The following CNTNAP2 variants were observed in gnomAD, a reference collection of about 807,000 sequenced individuals.
CNTNAP2 encodes contactin associated protein 2.
In CNTNAP2, 98 loss-of-function variants were observed where a neutral mutation model predicts 155.2. The ratio of observed to expected loss-of-function variants is 0.63; its 90% CI spans 0.54 to 0.75. CNTNAP2 has a LOEUF of 0.75. CNTNAP2 is among the 30% of genes least tolerant of loss of function. The pLI, the probability that CNTNAP2 is intolerant of heterozygous loss-of-function variation, is 0.00. For missense variants in CNTNAP2, 1,727 were observed against 1,688.1 expected, an observed-to-expected ratio of 1.02 and a Z score of -0.40; for synonymous variants, 651 against 631.2, an observed-to-expected ratio of 1.03 and a Z score of -0.47.
At chr7:148,176,744 A>G (rs1794945252) in intron 18 of CNTNAP2, among the ~76,000 whole-genome samples, 1 of 152,260 alleles carries the variant, frequency 6.6e-6, no homozygotes, top group East Asian at 1.9e-4. Context: ...ACGTTCATCA[A>G]TGAGGAGCAG....
intron 1 of CNTNAP2, among the ~76,000 whole-genome samples, chr7:146,553,289 G>A (rs1430134760): frequency 6.6e-6 from 1 of 151,944 alleles, no homozygotes; most frequent in Non-Finnish European, 1.5e-5. Context: ...GAAGTCTATA[G>A]AAAACTCCAT....
At chr7:147,547,843 G>A (rs961516863) in intron 11 of CNTNAP2, among the ~76,000 whole-genome samples, 2 of 152,094 alleles carry the variant, frequency 1.3e-5, no homozygotes, top group Non-Finnish European at 2.9e-5. Context: ...TCACTTATGA[G>A]TGAGAACATG....
intron 13 of CNTNAP2, among the ~76,000 whole-genome samples, chr7:147,714,246 T>G (rs1796448980): frequency 6.6e-6 from 1 of 152,112 alleles, no homozygotes; most frequent in South Asian, 2.1e-4. Flanking sequence ...TGGAAGGTTT[T>G]TATACTACTG....
chr7:146,632,830 T>C (rs2129159145), intron 1 of CNTNAP2, among the ~76,000 whole-genome samples: 1 of 152,108 alleles, frequency 6.6e-6, no homozygotes, highest in African/African-American at 2.4e-5. Flanking sequence ...TTTATAAAGA[T>C]CCTGAATTTA....
At chr7:148,413,401 A>AAAAATAAATAAATATATATAT (rs1442990213) in intron 23 of CNTNAP2, among the ~76,000 whole-genome samples, 2 of 45,376 alleles carry the variant, frequency 4.4e-5, no homozygotes, top group African/African-American at 2.5e-4. Context: ...TCAAAAAAAA[A>AAAAATAAATAAATATATATAT]ATATATATAT....
At chr7:147,997,886 T>G (rs1023825422) in intron 15 of CNTNAP2, among the ~76,000 whole-genome samples, 5 of 152,158 alleles carry the variant, frequency 3.3e-5, no homozygotes, top group Non-Finnish European at 5.9e-5. Context: ...ACATCTTAAA[T>G]CTCCACCTAG....
chr7:146,210,784 G>A (rs59569954), intron 1 of CNTNAP2, among the ~76,000 whole-genome samples: 1,524 of 151,824 alleles, frequency 0.01, 28 homozygotes, highest in African/African-American at 0.035. Flanking sequence ...AGGGGGCCAA[G>A]TTCTCTGTTG....
At chr7:147,784,500 T>C (rs1253619047) in intron 13 of CNTNAP2, among the ~76,000 whole-genome samples, 1 of 11,684 alleles carries the variant, frequency 8.6e-5, no homozygotes, top group Non-Finnish European at 1.3e-4. Flanking sequence ...GACTAATATA[T>C]ATATATATAT....
chr7:147,815,285 G>A (rs919353925), intron 13 of CNTNAP2, among the ~76,000 whole-genome samples: 3 of 151,876 alleles, frequency 2.0e-5, no homozygotes, highest in African/African-American at 7.3e-5. Context: ...CTCTGTTCTG[G>A]GTGTTAGGAA....
At chr7:147,707,946 T>TAGG (rs1796341279) in intron 13 of CNTNAP2, among the ~76,000 whole-genome samples, 2 of 151,868 alleles carry the variant, frequency 1.3e-5, no homozygotes, top group South Asian at 4.2e-4. Context: ...TCAACTTGGG[T>TAGG]AGGTGGTTTC....
chr7:146,898,452 A>C (rs931680931), intron 3 of CNTNAP2, among the ~76,000 whole-genome samples: 5 of 152,102 alleles, frequency 3.3e-5, no homozygotes, highest in Middle Eastern at 6.8e-3. Context: ...GAGAGTTTCA[A>C]CCACTTTATT....
chr7:146,145,921 C>T (rs1797950908), intron 1 of CNTNAP2, among the ~76,000 whole-genome samples: 1 of 152,104 alleles, frequency 6.6e-6, no homozygotes, highest in African/African-American at 2.4e-5. Flanking sequence ...ATATCTAGGA[C>T]AGAATTTCAT....
intron 13 of CNTNAP2, among the ~76,000 whole-genome samples, chr7:147,831,448 A>G (rs1298581951): frequency 6.6e-6 from 1 of 152,206 alleles, no homozygotes; most frequent in Non-Finnish European, 1.5e-5. Flanking sequence ...ATTTGGATGC[A>G]TCTTGGAATC....
intron 15 of CNTNAP2, among the ~76,000 whole-genome samples, chr7:148,041,463 G>A (rs1266181550): frequency 6.6e-6 from 1 of 152,216 alleles, no homozygotes; most frequent in South Asian, 2.1e-4. Flanking sequence ...GTAGAGGCAG[G>A]CAAGTAGAAC....
chr7:147,531,619 T>G (rs1054349225), intron 11 of CNTNAP2, among the ~76,000 whole-genome samples: 2 of 152,154 alleles, frequency 1.3e-5, no homozygotes, highest in African/African-American at 4.8e-5. Flanking sequence ...AACCTGGGCC[T>G]GGCCCATGAA....
intron 9 of CNTNAP2, among the ~76,000 whole-genome samples, chr7:147,394,166 T>C (rs1796770040): frequency 6.6e-6 from 1 of 151,888 alleles, no homozygotes; most frequent in Non-Finnish European, 1.5e-5. Context: ...TAAGAGTCTT[T>C]TTCCCCACTT....
intron 21 of CNTNAP2, among the ~76,000 whole-genome samples, chr7:148,327,760 A>G (rs146650124): frequency 1.7e-3 from 258 of 152,244 alleles, no homozygotes; most frequent in African/African-American, 5.9e-3. Context: ...TTGAAAATCT[A>G]TGGGTTTCTA....
At chr7:148,278,431 G>A (rs925030757) in intron 21 of CNTNAP2, among the ~76,000 whole-genome samples, 4 of 152,080 alleles carry the variant, frequency 2.6e-5, no homozygotes, top group Non-Finnish European at 5.9e-5. Context: ...TTAGCCGGGC[G>A]TGGTGGTGGT....
Position 147,410,206 on chromosome 7 carries a change from C to T in CNTNAP2, c.1670+14426C>T, listed in dbSNP as rs1306334941. Among the ~76,000 whole-genome samples, 4 of 152,108 alleles carry T rather than the reference C, an allele frequency of 2.6e-5. No individual in the cohort carries two copies. The East Asian group carries it at 7.7e-4, about 29-fold the overall frequency. On this transcript the variant is annotated intron_variant, in intron 10 of 23. Coordinates refer to ENST00000361727, the MANE Select transcript of CNTNAP2 (RefSeq NM_014141.6). ...ATATACACCATGGAATACTATGCAG[C>T]CATAACAAATAATAAGATTATATCT...
Sources: gnomAD v4.1 joint callset for allele counts (sites outside exome capture counted in the v4.1 genomes callset) on GRCh38, gnomAD v4.1.1 for gene constraint, MANE v1.5 for transcripts, NCBI Gene and HGNC (gene_info 2026-07-23, HGNC 2026-07-21) for gene names.